The following KANTR variants were observed in gnomAD, a reference collection of about 807,000 sequenced individuals.
KANTR encodes the protein KDM5C adjacent transcript.
chrX:53,118,124 G>A (rs1327055738), intron 2 of KANTR, among the ~76,000 whole-genome samples: 3 of 111,402 alleles, frequency 2.7e-5, no homozygotes, highest in Non-Finnish European at 5.6e-5. Flanking sequence ...ATTCTTAGGT[G>A]TATCTCCTGG....
intron 2 of KANTR, among the ~76,000 whole-genome samples, chrX:53,101,395 G>A (rs1014438877): frequency 1.8e-5 from 2 of 110,206 alleles, no homozygotes; most frequent in African/African-American, 6.6e-5. Context: ...TGTGTGAGCC[G>A]AGGAGTTTGA....
chrX:53,097,350 G>GTTTTTTT (rs781783647), intron 1 of KANTR, among the ~76,000 whole-genome samples: 2,756 of 67,840 alleles, frequency 0.041, 249 homozygotes, highest in Non-Finnish European at 0.044. Flanking sequence ...TTTGTTTTAA[G>GTTTTTTT]TTTTTTTTTT....
intron 2 of KANTR, among the ~76,000 whole-genome samples, chrX:53,140,063 C>A (rs781847181): frequency 8.9e-6 from 1 of 112,305 alleles, no homozygotes; most frequent in East Asian, 2.8e-4. Context: ...GTTTATCAGC[C>A]CGACAAATTT....
chrX:53,127,510 A>G (rs1933304050), downstream of KANTR: 1 of 112,503 alleles, frequency 8.9e-6, no homozygotes, highest in African/African-American at 3.2e-5. Flanking sequence ...TAGGCTAGGC[A>G]CAAAGGCCTT....
chrX:53,117,762 A>T (rs1902446731), intron 2 of KANTR, among the ~76,000 whole-genome samples: 1 of 107,842 alleles, frequency 9.3e-6, no homozygotes, highest in African/African-American at 3.4e-5. Context: ...CTGGGATTAC[A>T]GGTGTGCACC....
chrX:53,116,858 C>T (rs1228699639), intron 2 of KANTR, among the ~76,000 whole-genome samples: 1 of 112,034 alleles, frequency 8.9e-6, no homozygotes, highest in African/African-American at 3.2e-5. Flanking sequence ...TCCTCTTCAT[C>T]TCACATGCCT....
chrX:53,133,548 G>A (rs1556817280), intron 2 of KANTR, among the ~76,000 whole-genome samples: 1 of 111,476 alleles, frequency 9.0e-6, no homozygotes, highest in Admixed American at 9.5e-5. Context: ...GGCGCAGACG[G>A]TCTGTACTTG....
chrX:53,140,500 C>CAAA (rs782805364), intron 2 of KANTR, among the ~76,000 whole-genome samples: 4 of 42,456 alleles, frequency 9.4e-5, no homozygotes, highest in African/African-American at 2.2e-4. Flanking sequence ...GACTCTGTCT[C>CAAA]AAAAAAAAAA....
downstream of KANTR, among the ~76,000 whole-genome samples, chrX:53,145,508 G>A (rs1217519478): frequency 1.8e-5 from 2 of 112,000 alleles, no homozygotes; most frequent in Non-Finnish European, 3.8e-5. Context: ...CCGGAAGCTC[G>A]AACTGGGTGG....
At chrX:53,125,245 G>A (rs1243044231) in exon 3 of KANTR, 3 of 111,085 alleles carry the variant, frequency 2.7e-5, no homozygotes, top group Non-Finnish European at 5.7e-5. Flanking sequence ...GATTTGTGTG[G>A]TATATAATTT....
At chrX:53,134,214 T>A (rs902150722) in intron 2 of KANTR, among the ~76,000 whole-genome samples, 1 of 110,324 alleles carries the variant, frequency 9.1e-6, no homozygotes, top group East Asian at 2.8e-4. Flanking sequence ...ATACAAAAAT[T>A]AGCCGGACGT....
chrX:53,139,146 G>A (rs377322353), intron 2 of KANTR, among the ~76,000 whole-genome samples: 26 of 108,558 alleles, frequency 2.4e-4, no homozygotes, highest in Admixed American at 1.2e-3. Flanking sequence ...GCTTGAACTC[G>A]GAAGGCAGAG....
chrX:53,143,879 TTG>T, downstream of KANTR: 1 of 450,707 alleles, frequency 2.2e-6, no homozygotes, highest in Non-Finnish European at 4.2e-6. Flanking sequence ...GCCAGAGCCA[TTG>T]TCAATGATGA....
intron 2 of KANTR, among the ~76,000 whole-genome samples, chrX:53,107,914 G>A (rs1556813068): frequency 9.2e-6 from 1 of 108,909 alleles, no homozygotes; most frequent in Admixed American, 9.8e-5. Flanking sequence ...TTCTGAGACG[G>A]AGTCTCACTC....
chrX:53,135,212 C>G (rs187992726), intron 2 of KANTR, among the ~76,000 whole-genome samples: 1 of 112,122 alleles, frequency 8.9e-6, no homozygotes, highest in Non-Finnish European at 1.9e-5. Flanking sequence ...AGTACAGTCC[C>G]ATGTTGAACC....
downstream of KANTR, among the ~76,000 whole-genome samples, chrX:53,146,364 G>A (rs992189430): frequency 1.8e-5 from 2 of 112,158 alleles, no homozygotes; most frequent in Admixed American, 9.5e-5. Context: ...CTCAGTAGCC[G>A]ATTCGATCAA....
At chrX:53,111,063 T>G (rs1556813694) in intron 2 of KANTR, among the ~76,000 whole-genome samples, 3 of 109,245 alleles carry the variant, frequency 2.7e-5, no homozygotes, top group Non-Finnish European at 5.7e-5. Context: ...TCACCTAGGC[T>G]GGAGTGCAGT....
intron 2 of KANTR, among the ~76,000 whole-genome samples, chrX:53,117,744 C>G: frequency 9.4e-6 from 1 of 106,845 alleles, no homozygotes; most frequent in East Asian, 2.9e-4. Context: ...CCTCAGCCTC[C>G]CGAGTAGCTG....
downstream of KANTR, chrX:53,143,264 G>T (rs1250789064): frequency 1.6e-6 from 1 of 608,466 alleles, no homozygotes; most frequent in East Asian, 3.4e-5. Flanking sequence ...CGAAGTCCAG[G>T]GCGATGTAGC....
Sources: allele counts gnomAD v4.1 joint callset (sites outside exome capture counted in the v4.1 genomes callset), GRCh38; gene constraint gnomAD v4.1.1; transcripts MANE v1.5; gene names NCBI Gene and HGNC (gene_info 2026-07-23, HGNC 2026-07-21).